The following TMCC1 variants were observed in gnomAD, a reference collection of about 807,000 sequenced individuals.
TMCC1 encodes transmembrane and coiled-coil domain family 1.
TMCC1 carries 15 observed loss-of-function variants against 52.4 expected under a neutral mutation model. The observed-to-expected ratio is 0.29, with a 90% CI of 0.19 to 0.44. The LOEUF is 0.44. Ranked by LOEUF, TMCC1 falls within the 20% of genes least tolerant of loss-of-function variation. The pLI is 1.00. For missense variants in TMCC1, 503 were observed against 806.0 expected (o/e 0.62, Z 4.55); for synonymous variants, 279 against 301.9 (o/e 0.92, Z 0.79).
At chr3:129,834,065 AGT>A (rs2059043634) in intron 2 of TMCC1, among the ~76,000 whole-genome samples, 2 of 152,238 alleles carry the variant, frequency 1.3e-5, no homozygotes, top group African/African-American at 4.8e-5. Flanking sequence ...CAAGTGGTGA[AGT>A]GTGTAAGAAA....
chr3:129,792,613 G>A (rs924418257), intron 4 of TMCC1, among the ~76,000 whole-genome samples: 1 of 151,990 alleles, frequency 6.6e-6, no homozygotes, highest in Non-Finnish European at 1.5e-5. Flanking sequence ...TAACTATTCG[G>A]TTTCTCCTTC....
intron 5 of TMCC1, 64 bp from the exon 6 acceptor site, chr3:129,655,167 A>G: frequency 6.4e-7 from 1 of 1,572,728 alleles, no homozygotes; most frequent in Non-Finnish European, 8.6e-7. Context: ...GGCATTATTT[A>G]CATCCAACTC....
rs944339595 is a variant in TMCC1 at position 129,648,112 on chromosome 3, T to C, written c.*3369A>G. 1.3e-5 allele frequency: 2 copies of C among 152,496 alleles called. No homozygotes were observed. Among genetic ancestry groups the C allele is most frequent in the East Asian group, 3.8e-4 (2 of 5,196 alleles). The allele number at this position is 152,496 out of a possible 1,614,324, so 9.4% of individuals were successfully genotyped here. ...CCACATTCAAAATCCCAGGTTTCAT[T>C]TGGGGTTGGGGTGTGGGAACCATAA... On this transcript the variant is annotated 3_prime_UTR_variant, in exon 7 of 7. Transcript: ENST00000393238.
chr3:129,667,780 T>C (rs1238983943), intron 5 of TMCC1, among the ~76,000 whole-genome samples: 1 of 152,210 alleles, frequency 6.6e-6, no homozygotes, highest in Non-Finnish European at 1.5e-5. Context: ...CTGAGAGACC[T>C]GTTTCTGATT....
chr3:129,775,570 C>G (rs538237646), intron 4 of TMCC1, among the ~76,000 whole-genome samples: 3 of 152,262 alleles, frequency 2.0e-5, no homozygotes, highest in South Asian at 2.1e-4. Context: ...TGGAAAAGAA[C>G]TGGGGTTGGG....
chr3:129,706,073 T>G (rs1400693834), intron 4 of TMCC1, among the ~76,000 whole-genome samples: 6 of 151,220 alleles, frequency 4.0e-5, no homozygotes, highest in Admixed American at 1.3e-4. Context: ...GCATTTTTAG[T>G]AGAGACGGGG....
chr3:129,776,186 T>C (rs1395936001), intron 4 of TMCC1, among the ~76,000 whole-genome samples: 1 of 152,258 alleles, frequency 6.6e-6, no homozygotes, highest in African/African-American at 2.4e-5. Flanking sequence ...CCTTGATTTG[T>C]CTTTCTAGGA....
intron 4 of TMCC1, among the ~76,000 whole-genome samples, chr3:129,691,589 T>C (rs2047031893): frequency 6.6e-6 from 1 of 152,160 alleles, no homozygotes; most frequent in Non-Finnish European, 1.5e-5. Context: ...GAGACCAGCC[T>C]GGGCAACATA....
chr3:129,655,821 T>G (rs2086632181), intron 5 of TMCC1, among the ~76,000 whole-genome samples: 1 of 152,138 alleles, frequency 6.6e-6, no homozygotes, highest in Non-Finnish European at 1.5e-5. Context: ...AGAGTGCCGG[T>G]GATCGCCTGC....
Position 129,651,274 on chromosome 3 carries a change from G to C in TMCC1, c.*207C>G. 1 of 587,308 alleles carries C rather than the reference G, an allele frequency of 1.7e-6. No homozygotes were observed. Among genetic ancestry groups the C allele is most frequent in the Non-Finnish European group, 2.9e-6 (1 of 344,938 alleles). The allele number at this position is 587,308 out of a possible 1,614,324, so 36.4% of individuals were successfully genotyped here. On this transcript the variant is annotated 3_prime_UTR_variant, in exon 7 of 7. Coordinates refer to ENST00000393238, the MANE Select transcript of TMCC1 (RefSeq NM_001017395.5). The surrounding 1 kb of genome is among the most constrained non-coding windows in gnomAD (Gnocchi z 5.1). Reference sequence around the variant, plus strand: ...ATCATGCTACATAAAAATGATCCAAGATTTTCGCCCAAAAAACTTCTTGGA... The same window carrying C: ...ATCATGCTACATAAAAATGATCCAACATTTTCGCCCAAAAAACTTCTTGGA...
chr3:129,780,395 T>C (rs2055422516), intron 4 of TMCC1, among the ~76,000 whole-genome samples: 1 of 152,036 alleles, frequency 6.6e-6, no homozygotes, highest in African/African-American at 2.4e-5. Context: ...TAATTTCTCT[T>C]TGGCATTTGA....
At chr3:129,779,847 C>G (rs549174489) in intron 4 of TMCC1, among the ~76,000 whole-genome samples, 1 of 152,162 alleles carries the variant, frequency 6.6e-6, no homozygotes, top group Non-Finnish European at 1.5e-5. Context: ...TACTGCTATA[C>G]TCTTCAATCT....
rs906312919 is a variant in TMCC1 at position 129,650,311 on chromosome 3, C to T, written c.*1170G>A. On this transcript the variant is annotated 3_prime_UTR_variant, in exon 7 of 7. Coordinates refer to ENST00000393238, the MANE Select transcript of TMCC1 (RefSeq NM_001017395.5). ...AAAAAAAAAAATCCCTATCCTACTA[C>T]ACTGGTTTTTGGAAACAGCCTCCTG... The T allele has an allele frequency of 6.7e-5, 10 of 149,812 alleles. No homozygotes were observed. Among genetic ancestry groups the T allele is most frequent in the Admixed American group, 6.0e-4 (9 of 14,994 alleles). 9.3% of individuals were successfully genotyped at this position (149,812 alleles called of 1,614,324 possible).
rs912422987 is a variant in TMCC1, at chr3:129,850,657, G to GAC, written c.-183-17833_-183-17832dup. ...ACCCAGTGGAGCTAGAGGAATTAAA[G>GAC]ACACACACACACAGAAATAGAGAGG... On this transcript the variant is annotated intron_variant, in intron 2 of 6. Coordinates refer to ENST00000393238, the MANE Select transcript of TMCC1 (RefSeq NM_001017395.5). Among the ~76,000 whole-genome samples the GAC allele has an allele frequency of 9.9e-5, 15 of 152,032 alleles. No individual in the cohort carries two copies. In the East Asian group the frequency reaches 2.7e-3, roughly 27 times the overall value.
At chr3:129,734,132 T>C (rs1044794388) in intron 4 of TMCC1, among the ~76,000 whole-genome samples, 3 of 152,234 alleles carry the variant, frequency 2.0e-5, no homozygotes, top group African/African-American at 7.2e-5. Context: ...GTATTCACTG[T>C]AGCACTGTTT....
At chr3:129,762,573 A>G (rs1293304071) in intron 4 of TMCC1, among the ~76,000 whole-genome samples, 8 of 151,500 alleles carry the variant, frequency 5.3e-5, no homozygotes, top group Admixed American at 5.3e-4. Flanking sequence ...GAACTGCTTG[A>G]GGCCAGGAGT....
At chr3:129,719,873 C>T (rs969138762) in intron 4 of TMCC1, among the ~76,000 whole-genome samples, 6 of 151,992 alleles carry the variant, frequency 3.9e-5, no homozygotes, top group African/African-American at 1.4e-4. Flanking sequence ...TTGGATTTCC[C>T]ACTCCTGTCA....
At chr3:129,872,385 T>C (rs1169941041) in intron 2 of TMCC1, among the ~76,000 whole-genome samples, 1 of 152,180 alleles carries the variant, frequency 6.6e-6, no homozygotes. Flanking sequence ...TTAATAGATA[T>C]ACAAATTCTC....
At chr3:129,844,057 T>G (rs1359937787) in intron 2 of TMCC1, among the ~76,000 whole-genome samples, 1 of 152,178 alleles carries the variant, frequency 6.6e-6, no homozygotes, top group African/African-American at 2.4e-5. Context: ...ATCCCAGGGA[T>G]GTAGGGCTGG....
Sources: allele counts gnomAD v4.1 joint callset (sites outside exome capture counted in the v4.1 genomes callset), GRCh38; gene constraint gnomAD v4.1.1; non-coding constraint Gnocchi (gnomAD v3.1); transcripts MANE v1.5; gene names NCBI Gene and HGNC (gene_info 2026-07-23, HGNC 2026-07-21).